Variants in FBXO41 observed in about 807,000 individuals in gnomAD.
FBXO41 encodes F-box only protein 41.
A neutral mutation model predicts 81.6 loss-of-function variants in FBXO41; 33 were observed. The ratio of observed to expected loss-of-function variants is 0.40; its 90% CI spans 0.31 to 0.54. The LOEUF (loss-of-function observed/expected upper bound fraction) is 0.54. Ranked by LOEUF, FBXO41 falls within the 20% of genes least tolerant of loss-of-function variation. The pLI, the probability that FBXO41 is intolerant of heterozygous loss-of-function variation, is 0.39. For missense variants in FBXO41, 1,107 were observed against 1,236.0 expected, an observed-to-expected ratio of 0.90 and a Z score of 1.56; for synonymous variants, 576 against 552.7, an observed-to-expected ratio of 1.04 and a Z score of -0.59.
rs748480982 is a variant in FBXO41 at position 73,260,495 on chromosome 2, G to C, written c.2343C>G (p.Ile781Met). 1 of 1,603,018 alleles carries C rather than the reference G, an allele frequency of 6.2e-7. No homozygotes were observed. The highest frequency in any genetic ancestry group is 1.1e-5 in the South Asian group (1 of 88,812). Residue 781 changes from isoleucine to methionine, a missense_variant, in exon 11 of 13, where the codon ATC (isoleucine) becomes ATG (methionine). Ile to Met is a conservative substitution (Grantham distance 10). Around this residue, in one of 2 missense-constraint regions of FBXO41, gnomAD observed 336 missense variants for 446.7 expected, o/e 0.75. Transcript: ENST00000520530. The surrounding 1 kb of genome is among the most constrained non-coding windows in gnomAD (Gnocchi z 5.0). The stretch of plus-strand genomic sequence containing the variant: ...AGACCTCTGCTGCCACCTCCTGGGT[G>C]ATCTCTGACACGTGGTCAAGCTCCA... Reference protein sequence around the residue: ...QVLELDHVSEITQEVAAEVCR... With the variant: ...QVLELDHVSEMTQEVAAEVCR...
chr2:73,257,552 G>T lies in FBXO41; in HGVS notation c.*1430C>A, dbSNP rs1341788956. 1 of 152,212 alleles carries T rather than the reference G, an allele frequency of 6.6e-6. No individual in the cohort carries two copies. The highest frequency in any genetic ancestry group is 2.4e-5 in the African/African-American group (1 of 41,436). 9.4% of individuals were successfully genotyped at this position (152,212 alleles called of 1,614,324 possible). A position where few individuals can be genotyped will look rare whatever the true frequency, so the allele number is the denominator to read the frequency against. On this transcript the variant is annotated 3_prime_UTR_variant, in exon 13 of 13. Transcript: ENST00000520530. This position sits in a 1 kb window ranked among gnomAD's most constrained non-coding sequence, Gnocchi z 4.6. ...AGCCTAATGGCTAGGGCTGGGAGCT[G>T]ATCCTATCTAGGAGAGAAAGAAACC...
chr2:73,274,659 C>T (rs1688634352), intron 1 of FBXO41, among the ~76,000 whole-genome samples: 1 of 152,054 alleles, frequency 6.6e-6, no homozygotes, highest in African/African-American at 2.4e-5. Context: ...GCCCTAATAC[C>T]ATAGACTGAC....
intron 5 of FBXO41, 104 bp from the exon 6 acceptor site, chr2:73,264,623 T>G (rs1339856176): frequency 4.0e-6 from 6 of 1,515,416 alleles, no homozygotes; most frequent in Non-Finnish European, 4.4e-6. Flanking sequence ...GGAATGGACA[T>G]GCTGTGGTAC....
chr2:73,258,968 GC>G lies in FBXO41; in HGVS notation c.*13del. 1 of 1,563,722 alleles carries G rather than the reference GC, an allele frequency of 6.4e-7. No individual in the cohort carries two copies. On this transcript the variant is annotated 3_prime_UTR_variant, in exon 13 of 13. Coordinates refer to ENST00000520530, the MANE Select transcript of FBXO41 (RefSeq NM_001371389.2). ...GTGTGGGGCTGGCAGGGGCCCTGCCGCCCCCTACCCGGGTTAGCAGCCGCCT... is the reference window on the plus strand; with the variant it reads ...GTGTGGGGCTGGCAGGGGCCCTGCCGCCCCTACCCGGGTTAGCAGCCGCCT...
chr2:73,275,189 CTTTTT>C (rs778157708), intron 1 of FBXO41, among the ~76,000 whole-genome samples: 3 of 148,884 alleles, frequency 2.0e-5, no homozygotes, highest in Non-Finnish European at 3.0e-5. Flanking sequence ...GCGCCCGGCC[CTTTTT>C]TTTAAGACAG....
rs960106859 is a variant in FBXO41, at chr2:73,260,596, C to T, written c.2291-49G>A. 1 of 1,553,890 alleles carries T rather than the reference C, an allele frequency of 6.4e-7. No homozygotes were observed. The highest frequency in any genetic ancestry group is 8.7e-7 in the Non-Finnish European group (1 of 1,148,810). Reference sequence around the variant, plus strand: ...CCTGCTGACACACTCCCCAGGTCACCCCTGCAGCCAGCACCCTGGCTACCA... The same window carrying T: ...CCTGCTGACACACTCCCCAGGTCACTCCTGCAGCCAGCACCCTGGCTACCA... On this transcript the variant is annotated intron_variant, in intron 10 of 12. Transcript: ENST00000520530. The surrounding 1 kb of genome is among the most constrained non-coding windows in gnomAD (Gnocchi z 5.0).
At position 73,266,082 on chromosome 2, in the gene FBXO41, A is replaced by C. The variant is rs1051135227; in HGVS notation, c.1132-116T>G. The stretch of plus-strand genomic sequence containing the variant: ...AGAGGAGATGGGGGAGAGGAGAGAG[A>C]AGGGAAAATAGTTGGGAAAGATGGA... On this transcript the variant is annotated intron_variant, in intron 3 of 12. Transcript: ENST00000520530. The surrounding 1 kb of genome is among the most constrained non-coding windows in gnomAD (Gnocchi z 5.3). 1.3e-5 allele frequency: 12 copies of C among 920,718 alleles called. No individual in the cohort carries two copies. The highest frequency in any genetic ancestry group is 2.0e-5 in the Non-Finnish European group (12 of 593,072). 57.0% of individuals were successfully genotyped at this position (920,718 alleles called of 1,614,324 possible). A position where few individuals can be genotyped will look rare whatever the true frequency, so the allele number is the denominator to read the frequency against.
chr2:73,271,241 G>T, intron 1 of FBXO41: 1 of 288,894 alleles, frequency 3.5e-6, no homozygotes, highest in Non-Finnish European at 6.9e-6. Context: ...TGCCAGCCCA[G>T]CATCCAGTCC....
At chr2:73,276,482 T>C (rs999186488) in intron 1 of FBXO41, among the ~76,000 whole-genome samples, 1 of 151,040 alleles carries the variant, frequency 6.6e-6, no homozygotes, top group Non-Finnish European at 1.5e-5. Flanking sequence ...AAACCCAAAA[T>C]GTAGCCTTGA....
Position 73,266,597 on chromosome 2 carries a change from C to A in FBXO41, c.991G>T (p.Glu331Ter). 6.2e-7 allele frequency: 1 copy of A among 1,611,346 alleles called. No individual in the cohort carries two copies. The highest frequency in any genetic ancestry group is 8.5e-7 in the Non-Finnish European group (1 of 1,179,066). ...GCACGGTCAGCCCGCTCAAGGAGCT[C>A]CTCAATGAACTGCTGCAGCCGCAGC... Reference protein sequence around the residue: ...AKLRLQQFIEELLERADRAER... With the variant: ...AKLRLQQFIE The change falls in exon 3 of 13, where the codon GAG becomes TAG. Residue 331 changes from glutamate to a stop codon, truncating the protein, a stop_gained. Coordinates refer to ENST00000520530, the MANE Select transcript of FBXO41 (RefSeq NM_001371389.2). LOFTEE classifies it high-confidence loss of function. This position sits in a 1 kb window ranked among gnomAD's most constrained non-coding sequence, Gnocchi z 5.3.
At chr2:73,263,136 A>G in intron 9 of FBXO41, 77 bp downstream of exon 9, 2 of 1,149,690 alleles carry the variant, frequency 1.7e-6, no homozygotes, top group Non-Finnish European at 2.5e-6. Context: ...GAATGGGCTC[A>G]GATCTGCTAA....
At position 73,269,562 on chromosome 2, in the gene FBXO41, C is replaced by T; in HGVS notation, c.69G>A (p.Ser23=). Residue 23 remains serine, a synonymous_variant, in exon 2 of 13, where the codon TCG becomes TCA. Transcript: ENST00000520530. This position sits in a 1 kb window ranked among gnomAD's most constrained non-coding sequence, Gnocchi z 7.0. ...CGEHKRFRSL[S]SLRAHLEYSH... is the part of the protein sequence containing the mutation. Reference sequence around the variant, plus strand: ...TGTACTCCAGGTGCGCGCGCAGCGACGACAGGCTCCGGAAGCGCTTGTGCT... The same window carrying T: ...TGTACTCCAGGTGCGCGCGCAGCGATGACAGGCTCCGGAAGCGCTTGTGCT... 7.4e-7 allele frequency: 1 copy of T among 1,356,712 alleles called. No homozygotes were observed. The highest frequency in any genetic ancestry group is 9.6e-7 in the Non-Finnish European group (1 of 1,043,678). The allele number at this position is 1,356,712 out of a possible 1,614,324, so 84.0% of individuals were successfully genotyped here.
chr2:73,268,033 G>T (rs1252770641), intron 2 of FBXO41, among the ~76,000 whole-genome samples: 4 of 152,184 alleles, frequency 2.6e-5, no homozygotes, highest in Non-Finnish European at 5.9e-5. Context: ...CCAGAGAAAT[G>T]AAGAAGATTG....
At chr2:73,279,863 G>C (rs1033032586) in intron 1 of FBXO41, among the ~76,000 whole-genome samples, 1 of 152,158 alleles carries the variant, frequency 6.6e-6, no homozygotes, top group Non-Finnish European at 1.5e-5. Flanking sequence ...CCGCAGGCCC[G>C]AGGCACGAAT....
rs1687906713 is a variant in FBXO41 at position 73,258,801 on chromosome 2, C to T, written c.*181G>A. On this transcript the variant is annotated 3_prime_UTR_variant, in exon 13 of 13. Transcript: ENST00000520530. ...AGCCCCTGTACTGGGGAGGCAGTGC[C>T]CTGGGTCAGGCCTGTTGCTCTGCTG... 1.5e-6 allele frequency: 1 copy of T among 673,946 alleles called. No individual in the cohort carries two copies. The highest frequency in any genetic ancestry group is 2.2e-5 in the South Asian group (1 of 45,658). The allele number at this position is 673,946 out of a possible 1,614,324, so 41.7% of individuals were successfully genotyped here.
chr2:73,280,985 T>A (rs1197087749), intron 1 of FBXO41, among the ~76,000 whole-genome samples: 7 of 152,216 alleles, frequency 4.6e-5, no homozygotes, highest in Non-Finnish European at 1.5e-5. Context: ...AATCCAAGAA[T>A]CACCTTGAAT....
chr2:73,259,015 C>T lies in FBXO41; in HGVS notation c.2595G>A (p.Lys865=), dbSNP rs1229875827. 4.4e-6 allele frequency: 7 copies of T among 1,597,248 alleles called. No homozygotes were observed. Among genetic ancestry groups the T allele is most frequent in the Middle Eastern group, 1.7e-4 (1 of 6,040 alleles). ...QALRRRPGFS[K]ILHIKVEGGC ...CGCCTTCCACCTTGATGTGCAGAAT[C>T]TTAGAGAAGCCGGGCCTCCGTCGCA... The change falls in exon 13 of 13, where the codon AAG becomes AAA. Residue 865 remains lysine, a synonymous_variant. Transcript: ENST00000520530. The surrounding 1 kb of genome is among the most constrained non-coding windows in gnomAD (Gnocchi z 4.2).
intron 1 of FBXO41, among the ~76,000 whole-genome samples, chr2:73,277,366 A>T (rs1464074892): frequency 1.3e-5 from 2 of 152,252 alleles, no homozygotes; most frequent in Non-Finnish European, 2.9e-5. Flanking sequence ...GAGGTAGGAC[A>T]GCAGGAAAAA....
In FBXO41 at chr2:73,269,474, C is replaced by A; in HGVS notation, c.157G>T (p.Ala53Ser). 7.8e-7 allele frequency: 1 copy of A among 1,277,294 alleles called. No homozygotes were observed. The highest frequency in any genetic ancestry group is 9.9e-7 in the Non-Finnish European group (1 of 1,008,736). 79.1% of individuals were successfully genotyped at this position (1,277,294 alleles called of 1,614,324 possible). A position where few individuals can be genotyped will look rare whatever the true frequency, so the allele number is the denominator to read the frequency against. Residue 53 changes from alanine to serine, a missense_variant, in exon 2 of 13, where the codon GCC becomes TCC. Physicochemically the swap from Ala to Ser is moderately conservative, Grantham distance 99 (BLOSUM62 1). This residue lies in a region of FBXO41 where 771 missense variants were observed against 789.2 expected (regional missense o/e 0.98). Transcript: ENST00000520530. The surrounding 1 kb of genome is among the most constrained non-coding windows in gnomAD (Gnocchi z 7.0). ...KTNSICDGAA[A>S]AAAAAAAASG... The stretch of plus-strand genomic sequence containing the variant: ...GCAGCGGCGGCGGCGGCCGCGGCGG[C>A]GGCGGCGCCGTCGCAGATGCTGTTG...
Sources: gnomAD v4.1 joint callset for allele counts (sites outside exome capture counted in the v4.1 genomes callset) on GRCh38, gnomAD v4.1.1 for gene constraint, gnomAD v4.1.1 regional missense constraint, Gnocchi (gnomAD v3.1) non-coding constraint, MANE v1.5 for transcripts, NCBI Gene and HGNC (gene_info 2026-07-23, HGNC 2026-07-21) for gene names.